Variants in WWOX observed in about 807,000 individuals in gnomAD.
WWOX encodes WW domain containing oxidoreductase.
In WWOX, 69 loss-of-function variants were observed where a neutral mutation model predicts 46.2. That is an observed-to-expected ratio of 1.49 (90% CI 1.23 to 1.82). The LOEUF is 1.82. Ranked by LOEUF, WWOX falls within the 40% of genes most tolerant of loss-of-function variation. The pLI is 0.00. For synonymous variants in WWOX, 359 were observed against 202.6 expected (o/e 1.77, Z -6.56); for missense variants, 919 against 542.6 (o/e 1.69, Z -6.89).
intron 8 of WWOX, among the ~76,000 whole-genome samples, chr16:78,623,041 G>C (rs972790010): frequency 6.6e-6 from 1 of 151,982 alleles, no homozygotes; most frequent in Non-Finnish European, 1.5e-5. Flanking sequence ...AATGAGTTCT[G>C]CTAGCAACCT....
At chr16:78,730,380 T>C (rs1567521070) in intron 8 of WWOX, among the ~76,000 whole-genome samples, 1 of 152,078 alleles carries the variant, frequency 6.6e-6, no homozygotes, top group Admixed American at 6.6e-5. Flanking sequence ...TGCTGGGATG[T>C]ACCAGGCACA....
chr16:78,524,387 CATTT>C (rs932217035), intron 8 of WWOX, among the ~76,000 whole-genome samples: 30 of 95,166 alleles, frequency 3.2e-4, no homozygotes, highest in African/African-American at 8.9e-4. Flanking sequence ...CTAGAGATTT[CATTT>C]ATTTATTTAT....
chr16:78,476,564 C>T, intron 8 of WWOX, among the ~76,000 whole-genome samples: 1 of 151,876 alleles, frequency 6.6e-6, no homozygotes, highest in East Asian at 1.9e-4. Flanking sequence ...ATGTAACAAA[C>T]CTGCACGTTG....
intron 8 of WWOX, among the ~76,000 whole-genome samples, chr16:78,810,551 C>G (rs1311795065): frequency 1.3e-5 from 2 of 152,192 alleles, no homozygotes; most frequent in African/African-American, 2.4e-5. Context: ...TAGTCAACAA[C>G]TGATTAAAGC....
At chr16:78,720,321 T>C (rs2048659919) in intron 8 of WWOX, among the ~76,000 whole-genome samples, 1 of 152,100 alleles carries the variant, frequency 6.6e-6, no homozygotes, top group Non-Finnish European at 1.5e-5. Flanking sequence ...TTCTGAATTA[T>C]TTTTCTTTCT....
At chr16:78,802,068 G>A (rs984548734) in intron 8 of WWOX, among the ~76,000 whole-genome samples, 3 of 152,046 alleles carry the variant, frequency 2.0e-5, no homozygotes, top group Admixed American at 6.6e-5. Flanking sequence ...ATTATTATTA[G>A]CATTATTGTC....
At chr16:78,472,313 C>G (rs143772145) in intron 8 of WWOX, among the ~76,000 whole-genome samples, 1 of 152,084 alleles carries the variant, frequency 6.6e-6, no homozygotes, top group Admixed American at 6.6e-5. Context: ...AAGCCAAATG[C>G]TGCATATTCC....
At chr16:78,620,662 C>T (rs925175339) in intron 8 of WWOX, among the ~76,000 whole-genome samples, 2 of 151,654 alleles carry the variant, frequency 1.3e-5, no homozygotes, top group South Asian at 2.1e-4. Flanking sequence ...TGCACTTGTA[C>T]TGCACAAGAA....
chr16:79,167,343 A>T (rs749467780), intron 8 of WWOX, among the ~76,000 whole-genome samples: 1 of 152,208 alleles, frequency 6.6e-6, no homozygotes, highest in Non-Finnish European at 1.5e-5. Flanking sequence ...AGTGGTGAGT[A>T]TAAGTGTGAT....
At chr16:78,910,317 C>T (rs2045075946) in intron 8 of WWOX, among the ~76,000 whole-genome samples, 1 of 152,184 alleles carries the variant, frequency 6.6e-6, no homozygotes, top group African/African-American at 2.4e-5. Flanking sequence ...CTCCATCTTC[C>T]AGCATCTCTG....
At chr16:78,941,191 GC>G (rs1354106375) in intron 8 of WWOX, among the ~76,000 whole-genome samples, 1 of 152,150 alleles carries the variant, frequency 6.6e-6, no homozygotes, top group Non-Finnish European at 1.5e-5. Context: ...TATCCCAGTT[GC>G]AAAGGATAAA....
chr16:78,406,891 G>A (rs1272977832), intron 6 of WWOX, among the ~76,000 whole-genome samples: 1 of 152,218 alleles, frequency 6.6e-6, no homozygotes, highest in Non-Finnish European at 1.5e-5. Context: ...CTCCCAAAGT[G>A]CTGGGATTAC....
At position 78,515,475 on chromosome 16, in the gene WWOX, G is replaced by A. The variant is rs139550886; in HGVS notation, c.1056+82723G>A. On this transcript the variant is annotated intron_variant, in intron 8 of 8. Transcript: ENST00000566780. ...CAGCTCTTTTTATTTATTTCTAATG[G>A]TTTGCTTGGTGTACTGGTCATTTCC... Among the ~76,000 whole-genome samples, 294 of 152,246 alleles carry A rather than the reference G, an allele frequency of 1.9e-3. 1 individual carries two copies. The highest frequency in any genetic ancestry group is 6.8e-3 in the African/African-American group (283 of 41,540).
intron 8 of WWOX, among the ~76,000 whole-genome samples, chr16:78,852,407 G>A (rs1003874937): frequency 1.3e-5 from 2 of 152,178 alleles, no homozygotes; most frequent in African/African-American, 2.4e-5. Flanking sequence ...ACCATGTTGC[G>A]AGGATACTCA....
At chr16:78,144,448 C>CGTATATATATATATATATATATATATAT (rs71380475) in intron 4 of WWOX, among the ~76,000 whole-genome samples, 2 of 17,592 alleles carry the variant, frequency 1.1e-4, no homozygotes, top group African/African-American at 1.4e-4. Flanking sequence ...TATATATATA[C>CGTATATATATATATATATATATATATAT]ACATATATAT....
chr16:78,596,036 G>GT (rs1226697798), intron 8 of WWOX, among the ~76,000 whole-genome samples: 1 of 152,110 alleles, frequency 6.6e-6, no homozygotes, highest in African/African-American at 2.4e-5. Flanking sequence ...AAGATGAGAA[G>GT]TTTTTTACTC....
intron 4 of WWOX, among the ~76,000 whole-genome samples, chr16:78,120,198 A>G (rs558241277): frequency 3.9e-5 from 6 of 152,312 alleles, no homozygotes; most frequent in African/African-American, 9.6e-5. Context: ...ATCAAAATGT[A>G]TATATTTTGA....
intron 5 of WWOX, among the ~76,000 whole-genome samples, chr16:78,222,742 T>G (rs1487453870): frequency 6.6e-6 from 1 of 152,234 alleles, no homozygotes; most frequent in Non-Finnish European, 1.5e-5. Flanking sequence ...ATGGTGAATT[T>G]GTAATATTAA....
intron 8 of WWOX, among the ~76,000 whole-genome samples, chr16:78,459,201 G>C (rs769951504): frequency 3.3e-5 from 5 of 152,178 alleles, no homozygotes; most frequent in Non-Finnish European, 5.9e-5. Context: ...TATTAATTTA[G>C]AGATTAAGAA....
Sources: allele counts gnomAD v4.1 joint callset (sites outside exome capture counted in the v4.1 genomes callset), GRCh38; gene constraint gnomAD v4.1.1; transcripts MANE v1.5; gene names NCBI Gene and HGNC (gene_info 2026-07-23, HGNC 2026-07-21).